CCDC178: variants seen among roughly 807,000 people sequenced by gnomAD.
The protein encoded by CCDC178 is coiled-coil domain-containing protein 178.
A neutral mutation model predicts 117.4 loss-of-function variants in CCDC178; 126 were observed. The observed-to-expected ratio is 1.07, with a 90% CI of 0.93 to 1.24. The LOEUF is 1.24. CCDC178 is among the 50% of genes most tolerant of loss of function. The pLI, the probability that CCDC178 is intolerant of heterozygous loss-of-function variation, is 0.00. For synonymous variants in CCDC178, 283 were observed against 313.4 expected (o/e 0.90, Z 1.02); for missense variants, 1,030 against 986.9 (o/e 1.04, Z -0.59).
chr18:33,386,592 A>C (rs1325775814), intron 5 of CCDC178, among the ~76,000 whole-genome samples: 7 of 152,218 alleles, frequency 4.6e-5, no homozygotes, highest in Non-Finnish European at 1.0e-4. Flanking sequence ...GTAATTTATC[A>C]CATAAACAGA....
intron 20 of CCDC178, among the ~76,000 whole-genome samples, chr18:33,210,559 C>T (rs887004572): frequency 1.3e-5 from 2 of 152,040 alleles, no homozygotes; most frequent in African/African-American, 4.8e-5. Context: ...TTCTCAGCAC[C>T]ACTGTGACTA....
chr18:32,961,494 CACTT>C (rs1263818095), intron 22 of CCDC178, among the ~76,000 whole-genome samples: 1 of 152,044 alleles, frequency 6.6e-6, no homozygotes, highest in African/African-American at 2.4e-5. Flanking sequence ...TAAAGTGTGT[CACTT>C]ACAGACGATT....
At chr18:33,181,114 C>T (rs918377358) in intron 20 of CCDC178, among the ~76,000 whole-genome samples, 1 of 148,898 alleles carries the variant, frequency 6.7e-6, no homozygotes, top group South Asian at 2.1e-4. Flanking sequence ...TCTGTTCATG[C>T]CTGCTTACTG....
chr18:32,980,853 T>A (rs147946140), intron 21 of CCDC178, among the ~76,000 whole-genome samples: 120 of 152,338 alleles, frequency 7.9e-4, no homozygotes, highest in African/African-American at 2.8e-3. Flanking sequence ...TGTGTATAAT[T>A]TGATACAAAA....
intron 8 of CCDC178, among the ~76,000 whole-genome samples, chr18:33,348,118 G>A (rs766893646): frequency 5.3e-5 from 8 of 151,808 alleles, no homozygotes; most frequent in South Asian, 2.1e-4. Flanking sequence ...TAAGGTCCTC[G>A]TTTTCACTAT....
chr18:33,432,616 A>T (rs2064236446), intron 2 of CCDC178, among the ~76,000 whole-genome samples: 1 of 152,072 alleles, frequency 6.6e-6, no homozygotes, highest in African/African-American at 2.4e-5. Context: ...AAAGAAACAC[A>T]TCTCTTTGAG....
At chr18:33,130,295 T>C (rs2058055437) in intron 20 of CCDC178, among the ~76,000 whole-genome samples, 1 of 152,032 alleles carries the variant, frequency 6.6e-6, no homozygotes. Flanking sequence ...TATTTTCATT[T>C]TCTTAGAATA....
intron 21 of CCDC178, among the ~76,000 whole-genome samples, chr18:33,076,285 G>A (rs888969316): frequency 6.6e-6 from 1 of 152,132 alleles, no homozygotes; most frequent in African/African-American, 2.4e-5. Context: ...TCCAATCCTA[G>A]CATTCTTAGG....
At chr18:33,007,501 C>T (rs138377950) in intron 21 of CCDC178, among the ~76,000 whole-genome samples, 72 of 152,158 alleles carry the variant, frequency 4.7e-4, no homozygotes, top group African/African-American at 1.7e-3. Flanking sequence ...TTGTTGAGTT[C>T]TGCAGCTTGT....
chr18:32,947,247 T>C (rs550204113), intron 22 of CCDC178, among the ~76,000 whole-genome samples: 48 of 152,340 alleles, frequency 3.2e-4, no homozygotes, highest in African/African-American at 1.1e-3. Flanking sequence ...ATGGCCAGAT[T>C]ATAGAATATG....
intron 21 of CCDC178, among the ~76,000 whole-genome samples, chr18:33,057,828 A>C (rs1448371455): frequency 6.6e-6 from 1 of 152,200 alleles, no homozygotes; most frequent in Non-Finnish European, 1.5e-5. Flanking sequence ...TTGTGTAAAG[A>C]ATATGAGAGA....
At chr18:33,176,722 C>T (rs886175737) in intron 20 of CCDC178, among the ~76,000 whole-genome samples, 3 of 152,258 alleles carry the variant, frequency 2.0e-5, no homozygotes, top group South Asian at 4.1e-4. Context: ...GTCTTCAGTA[C>T]ACTTTTTGTT....
intron 10 of CCDC178, chr18:33,328,082 G>GTGTT (rs2062609334): frequency 4.1e-6 from 1 of 242,036 alleles, no homozygotes; most frequent in African/African-American, 3.3e-5. Flanking sequence ...TTTATCCCTA[G>GTGTT]ATTTTTTTTT....
At chr18:33,205,262 T>G (rs1015354139) in intron 20 of CCDC178, among the ~76,000 whole-genome samples, 3 of 151,942 alleles carry the variant, frequency 2.0e-5, no homozygotes, top group Non-Finnish European at 4.4e-5. Flanking sequence ...AAGAGTGGGT[T>G]GAAAAAGCAA....
intron 20 of CCDC178, among the ~76,000 whole-genome samples, chr18:33,130,561 G>A (rs970500139): frequency 1.3e-5 from 2 of 151,974 alleles, no homozygotes; most frequent in Non-Finnish European, 2.9e-5. Flanking sequence ...TAAAAACCAA[G>A]AGTGTTAGGT....
intron 21 of CCDC178, among the ~76,000 whole-genome samples, chr18:33,071,346 T>C (rs2057105345): frequency 6.6e-6 from 1 of 152,140 alleles, no homozygotes; most frequent in African/African-American, 2.4e-5. Context: ...AATATTATTA[T>C]AAAGGTATTT....
At chr18:33,226,721 A>G (rs1270887726) in intron 16 of CCDC178, 72 bp downstream of exon 16, 9 of 1,109,842 alleles carry the variant, frequency 8.1e-6, no homozygotes, top group Non-Finnish European at 1.2e-5. Flanking sequence ...GCCTCATTAC[A>G]GGCAAATTTA....
intron 21 of CCDC178, among the ~76,000 whole-genome samples, chr18:33,044,204 C>G (rs907164335): frequency 4.0e-5 from 6 of 151,726 alleles, no homozygotes; most frequent in Admixed American, 2.0e-4. Flanking sequence ...GATTAAAAAG[C>G]CTCTACAGGA....
Position 33,047,127 on chromosome 18 carries a change from T to G in CCDC178, c.2388+45634A>C, listed in dbSNP as rs56979294. On this transcript the variant is annotated intron_variant, in intron 21 of 22. Coordinates refer to ENST00000383096, the MANE Select transcript of CCDC178 (RefSeq NM_001105528.4). ...CAACTGTCTCCTGTGTTTATGCTACTTTAAAAAATTCAACTGAAAAAGCAA... is the reference window on the plus strand; with the variant it reads ...CAACTGTCTCCTGTGTTTATGCTACGTTAAAAAATTCAACTGAAAAAGCAA... Among the ~76,000 whole-genome samples, 1,353 of 152,320 alleles carry G rather than the reference T, an allele frequency of 8.9e-3. 21 individuals carry two copies. The highest frequency in any genetic ancestry group is 0.03 in the African/African-American group (1,262 of 41,566).
Sources: allele counts gnomAD v4.1 joint callset (sites outside exome capture counted in the v4.1 genomes callset), GRCh38; gene constraint gnomAD v4.1.1; transcripts MANE v1.5; gene names NCBI Gene and HGNC (gene_info 2026-07-23, HGNC 2026-07-21).